LRMDA: variants seen among roughly 807,000 people sequenced by gnomAD.
LRMDA encodes leucine rich melanocyte differentiation associated.
A neutral mutation model predicts 29.8 loss-of-function variants in LRMDA; 18 were observed. The ratio of observed to expected loss-of-function variants is 0.60; its 90% CI spans 0.42 to 0.90. LRMDA has a LOEUF of 0.90. LRMDA is among the 40% of genes least tolerant of loss of function. The pLI is 0.00. For missense variants in LRMDA, 273 were observed against 273.9 expected (o/e 1.00, Z 0.02); for synonymous variants, 125 against 109.4 (o/e 1.14, Z -0.89).
At chr10:76,461,270 A>C (rs1842509191) in intron 6 of LRMDA, among the ~76,000 whole-genome samples, 1 of 152,158 alleles carries the variant, frequency 6.6e-6, no homozygotes, top group Non-Finnish European at 1.5e-5. Context: ...GCCATCAAGA[A>C]CCAAAGTCCT....
intron 2 of LRMDA, among the ~76,000 whole-genome samples, chr10:75,992,057 A>C (rs1015274435): frequency 2.6e-5 from 4 of 152,180 alleles, no homozygotes; most frequent in East Asian, 1.9e-4. Context: ...CTGGTCCTAT[A>C]CCATGCCTTT....
chr10:75,538,109 C>G (rs1483041009), intron 2 of LRMDA, among the ~76,000 whole-genome samples: 2 of 152,196 alleles, frequency 1.3e-5, no homozygotes, highest in Non-Finnish European at 2.9e-5. Context: ...ATTTTGAGGT[C>G]TGAGGACACA....
chr10:75,478,703 C>T (rs1160013960), intron 2 of LRMDA, among the ~76,000 whole-genome samples: 1 of 152,154 alleles, frequency 6.6e-6, no homozygotes, highest in African/African-American at 2.4e-5. Context: ...CCAAAAAGAC[C>T]ATTTTTTTCA....
intron 2 of LRMDA, among the ~76,000 whole-genome samples, chr10:75,739,480 G>C (rs1215373623): frequency 1.3e-5 from 2 of 152,226 alleles, no homozygotes. Context: ...TAATCTTGAT[G>C]TATTATTTTA....
intron 2 of LRMDA, among the ~76,000 whole-genome samples, chr10:75,609,517 T>C (rs907133855): frequency 6.6e-6 from 1 of 152,204 alleles, no homozygotes; most frequent in African/African-American, 2.4e-5. Context: ...AAATGTGGCA[T>C]CTTGGGCGAA....
chr10:75,956,074 A>T (rs1382467502), intron 2 of LRMDA, among the ~76,000 whole-genome samples: 1 of 152,196 alleles, frequency 6.6e-6, no homozygotes, highest in Admixed American at 6.5e-5. Context: ...GTCTCTAAAG[A>T]AATTGTAGTC....
chr10:76,122,286 G>A (rs906208974), intron 5 of LRMDA, among the ~76,000 whole-genome samples: 4 of 151,740 alleles, frequency 2.6e-5, no homozygotes, highest in Admixed American at 6.6e-5. Flanking sequence ...CATCTGCTGC[G>A]GCAGATTGTC....
intron 5 of LRMDA, among the ~76,000 whole-genome samples, chr10:76,164,536 AC>A (rs1486972511): frequency 6.6e-6 from 1 of 152,202 alleles, no homozygotes; most frequent in Non-Finnish European, 1.5e-5. Context: ...GCAAAAAACC[AC>A]CCAAAAAACA....
intron 2 of LRMDA, among the ~76,000 whole-genome samples, chr10:75,679,914 A>G (rs373484443): frequency 1.3e-4 from 20 of 152,224 alleles, no homozygotes; most frequent in African/African-American, 3.6e-4. Context: ...AAATAAAAAA[A>G]AAACCCTTAA....
intron 6 of LRMDA, among the ~76,000 whole-genome samples, chr10:76,340,622 C>T (rs1178023863): frequency 4.6e-5 from 7 of 151,552 alleles, no homozygotes; most frequent in South Asian, 4.2e-4. Flanking sequence ...AGGAACTTCC[C>T]TAACTTGATA....
At chr10:76,157,886 C>A (rs1850568496) in intron 5 of LRMDA, among the ~76,000 whole-genome samples, 2 of 152,056 alleles carry the variant, frequency 1.3e-5, no homozygotes, top group Non-Finnish European at 2.9e-5. Context: ...TATGGTATAG[C>A]CTATTGCTCC....
intron 6 of LRMDA, among the ~76,000 whole-genome samples, chr10:76,404,036 C>T (rs1021361078): frequency 2.6e-5 from 4 of 152,034 alleles, no homozygotes; most frequent in African/African-American, 9.7e-5. Flanking sequence ...CGCAACTGCC[C>T]CCTTCACCCA....
chr10:75,864,970 AT>A (rs1401390055), intron 2 of LRMDA, among the ~76,000 whole-genome samples: 1 of 152,222 alleles, frequency 6.6e-6, no homozygotes, highest in Admixed American at 6.5e-5. Context: ...ACATAAAAAA[AT>A]CTTCAATTTT....
At chr10:75,843,155 G>A (rs1200937472) in intron 2 of LRMDA, among the ~76,000 whole-genome samples, 1 of 152,238 alleles carries the variant, frequency 6.6e-6, no homozygotes, top group East Asian at 1.9e-4. Flanking sequence ...GAAAAAAATA[G>A]GCTTTTAAGA....
chr10:75,881,560 CCAAT>C (rs1845294131), intron 2 of LRMDA, among the ~76,000 whole-genome samples: 1 of 152,048 alleles, frequency 6.6e-6, no homozygotes, highest in South Asian at 2.1e-4. Context: ...CTTTTTGCAA[CCAAT>C]CAGACGTTTG....
At chr10:75,790,182 A>G (rs1050021526) in intron 2 of LRMDA, among the ~76,000 whole-genome samples, 3 of 152,084 alleles carry the variant, frequency 2.0e-5, no homozygotes, top group Admixed American at 6.6e-5. Context: ...CGTCCTGTGC[A>G]TTGTAGGGTA....
At chr10:76,452,025 G>A (rs1203905823) in intron 6 of LRMDA, among the ~76,000 whole-genome samples, 1 of 152,092 alleles carries the variant, frequency 6.6e-6, no homozygotes, top group African/African-American at 2.4e-5. Context: ...AAATCTTCCT[G>A]TATTTTCTTC....
At chr10:76,395,757 G>C (rs1841776639) in intron 6 of LRMDA, among the ~76,000 whole-genome samples, 1 of 152,138 alleles carries the variant, frequency 6.6e-6, no homozygotes, top group Non-Finnish European at 1.5e-5. Context: ...GTAGTACCTG[G>C]TAGTCAATAA....
At chr10:76,055,609 G>C (rs1435584564) in intron 4 of LRMDA, among the ~76,000 whole-genome samples, 1 of 152,238 alleles carries the variant, frequency 6.6e-6, no homozygotes, top group Non-Finnish European at 1.5e-5. Flanking sequence ...CCTGCCAAGG[G>C]TGAGCCAGGT....
Sources: gnomAD v4.1 joint callset for allele counts (sites outside exome capture counted in the v4.1 genomes callset) on GRCh38, gnomAD v4.1.1 for gene constraint, MANE v1.5 for transcripts, NCBI Gene and HGNC (gene_info 2026-07-23, HGNC 2026-07-21) for gene names.